The following INPP4B variants were observed in gnomAD, a reference collection of about 807,000 sequenced individuals.
The protein encoded by INPP4B is inositol polyphosphate 4-phosphatase type II.
INPP4B carries 55 observed loss-of-function variants against 122.5 expected under a neutral mutation model. The observed-to-expected ratio is 0.45, with a 90% confidence interval of 0.36 to 0.56. INPP4B has a LOEUF of 0.56. Among genes scored for constraint, INPP4B ranks in the 20% least tolerant of loss-of-function variants. INPP4B has a pLI of 0.00. For missense variants in INPP4B, 1,000 were observed against 1,097.7 expected (o/e 0.91, Z 1.26); for synonymous variants, 403 against 388.7 (o/e 1.04, Z -0.43).
chr4:142,806,550 G>A (rs900869502), intron 1 of INPP4B, among the ~76,000 whole-genome samples: 4 of 151,200 alleles, frequency 2.6e-5, no homozygotes, highest in South Asian at 4.2e-4. Flanking sequence ...AAGAGCAGCC[G>A]GGGACAAGTG....
chr4:142,129,608 AG>A (rs1800287912), intron 18 of INPP4B, among the ~76,000 whole-genome samples: 1 of 152,154 alleles, frequency 6.6e-6, no homozygotes, highest in South Asian at 2.1e-4. Context: ...CCTAGAAACT[AG>A]GCTAATTCCA....
intron 2 of INPP4B, among the ~76,000 whole-genome samples, chr4:142,623,608 C>A (rs150640132): frequency 1.3e-5 from 2 of 151,452 alleles, no homozygotes; most frequent in African/African-American, 4.9e-5. Flanking sequence ...AGGGTACATG[C>A]GCACAATGTG....
chr4:142,472,875 C>G (rs1465483539), intron 2 of INPP4B, among the ~76,000 whole-genome samples: 1 of 152,120 alleles, frequency 6.6e-6, no homozygotes, highest in Non-Finnish European at 1.5e-5. Context: ...AAAAGAAAAA[C>G]TTTTCTACTT....
intron 25 of INPP4B, among the ~76,000 whole-genome samples, chr4:142,041,936 C>T (rs1747851679): frequency 6.6e-6 from 1 of 152,168 alleles, no homozygotes; most frequent in South Asian, 2.1e-4. Context: ...ACTCTGCTGC[C>T]ACCTCAGATC....
chr4:142,152,633 G>T (rs764162931), intron 17 of INPP4B, among the ~76,000 whole-genome samples: 11 of 151,542 alleles, frequency 7.3e-5, no homozygotes, highest in Non-Finnish European at 1.6e-4. Flanking sequence ...ATCTTCTGTT[G>T]CCCAGACCAG....
At chr4:142,265,730 A>G (rs1158845717) in intron 10 of INPP4B, among the ~76,000 whole-genome samples, 3 of 152,160 alleles carry the variant, frequency 2.0e-5, no homozygotes, top group Admixed American at 2.0e-4. Flanking sequence ...TGATGTGTTT[A>G]CCATTTTAGT....
At chr4:142,064,780 T>C (rs544869379) in intron 25 of INPP4B, among the ~76,000 whole-genome samples, 5 of 152,268 alleles carry the variant, frequency 3.3e-5, no homozygotes, top group African/African-American at 1.2e-4. Context: ...GTTATAAAAT[T>C]AAATTATGAA....
At chr4:142,433,111 T>C (rs1181119053) in intron 3 of INPP4B, among the ~76,000 whole-genome samples, 1 of 152,198 alleles carries the variant, frequency 6.6e-6, no homozygotes, top group Non-Finnish European at 1.5e-5. Context: ...ATATTCTGTT[T>C]ATTTTCACTG....
At chr4:142,415,137 C>A (rs1368251697) in intron 5 of INPP4B, among the ~76,000 whole-genome samples, 1 of 152,054 alleles carries the variant, frequency 6.6e-6, no homozygotes, top group Non-Finnish European at 1.5e-5. Context: ...ATATGGGAGC[C>A]AATAGGATTT....
At chr4:142,663,503 T>C (rs1454449201) in intron 2 of INPP4B, among the ~76,000 whole-genome samples, 1 of 152,088 alleles carries the variant, frequency 6.6e-6, no homozygotes, top group Non-Finnish European at 1.5e-5. Context: ...ATGACATCTT[T>C]AAGAACTGTC....
At chr4:142,553,187 G>C (rs970057811) in intron 2 of INPP4B, among the ~76,000 whole-genome samples, 1 of 152,080 alleles carries the variant, frequency 6.6e-6, no homozygotes, top group Non-Finnish European at 1.5e-5. Flanking sequence ...TCTCAGAGCA[G>C]AGTCAGAAGC....
At chr4:142,114,653 T>A (rs887269253) in intron 21 of INPP4B, among the ~76,000 whole-genome samples, 1 of 152,126 alleles carries the variant, frequency 6.6e-6, no homozygotes, top group Non-Finnish European at 1.5e-5. Flanking sequence ...TATTTACATA[T>A]TCTGAATATG....
chr4:142,598,996 A>T (rs924232696), intron 2 of INPP4B, among the ~76,000 whole-genome samples: 1 of 152,114 alleles, frequency 6.6e-6, no homozygotes, highest in African/African-American at 2.4e-5. Flanking sequence ...CCTACTTTGT[A>T]TAGTGTTGTG....
intron 7 of INPP4B, among the ~76,000 whole-genome samples, chr4:142,373,682 G>T (rs981404676): frequency 1.1e-4 from 17 of 151,920 alleles, no homozygotes; most frequent in Non-Finnish European, 2.4e-4. Flanking sequence ...CTGATACAGA[G>T]CAGTGTTACT....
intron 11 of INPP4B, among the ~76,000 whole-genome samples, chr4:142,252,186 ATTTT>A (rs36065435): frequency 3.3e-5 from 3 of 90,206 alleles, no homozygotes; most frequent in Admixed American, 1.2e-4. Flanking sequence ...TATAGTAGTC[ATTTT>A]TTTTTTTTTT....
intron 25 of INPP4B, among the ~76,000 whole-genome samples, chr4:142,060,681 C>T (rs549672290): frequency 4.6e-5 from 7 of 152,244 alleles, no homozygotes; most frequent in African/African-American, 1.7e-4. Flanking sequence ...TGGAGTTAAT[C>T]CACAAGTTAG....
chr4:142,248,811 T>C (rs944307088), intron 11 of INPP4B, among the ~76,000 whole-genome samples: 4 of 152,254 alleles, frequency 2.6e-5, no homozygotes, highest in Non-Finnish European at 2.9e-5. Context: ...GAATTTTTTT[T>C]CTACCAATAA....
chr4:142,319,132 G>A (rs1817971), intron 7 of INPP4B, among the ~76,000 whole-genome samples: 87,041 of 151,832 alleles, frequency 0.57, 25,148 homozygotes, highest in Middle Eastern at 0.65. Flanking sequence ...TGCTGTCCTG[G>A]GTCTGCACAC....
chr4:142,249,703 G>A (rs1041839088), intron 11 of INPP4B, among the ~76,000 whole-genome samples: 3 of 152,154 alleles, frequency 2.0e-5, no homozygotes, highest in African/African-American at 7.2e-5. Flanking sequence ...TGAAACGGCT[G>A]GTTGAAAAAC....
Sources: allele counts gnomAD v4.1 joint callset (sites outside exome capture counted in the v4.1 genomes callset), GRCh38; gene constraint gnomAD v4.1.1; transcripts MANE v1.5; gene names NCBI Gene and HGNC (gene_info 2026-07-23, HGNC 2026-07-21).